MCM10: variants seen among roughly 807,000 people sequenced by gnomAD.
The protein encoded by MCM10 is protein MCM10 homolog.
MCM10 carries 91 observed loss-of-function variants against 109.9 expected under a neutral mutation model. The ratio of observed to expected loss-of-function variants is 0.83; its 90% CI spans 0.70 to 0.99. The LOEUF (loss-of-function observed/expected upper bound fraction) is 0.99. Among genes scored for constraint, MCM10 ranks in the 50% least tolerant of loss-of-function variants. The probability of loss-of-function intolerance (pLI) is 0.00; values close to 1 mark genes in which losing one functional copy is unlikely to be tolerated. For synonymous variants in MCM10, 380 were observed against 387.2 expected (o/e 0.98, Z 0.22); for missense variants, 1,077 against 1,061.2 (o/e 1.01, Z -0.21).
intron 2 of MCM10, among the ~76,000 whole-genome samples, chr10:13,164,657 C>G (rs2131551517): frequency 6.6e-6 from 1 of 152,328 alleles, no homozygotes; most frequent in East Asian, 1.9e-4. Flanking sequence ...CTAGCTCTGA[C>G]TTAAGTTTTT....
chr10:13,173,942 G>A (rs931738254), intron 5 of MCM10, among the ~76,000 whole-genome samples: 4 of 151,852 alleles, frequency 2.6e-5, no homozygotes, highest in African/African-American at 9.7e-5. Context: ...ATTTTATTAA[G>A]GAAAATACCC....
chr10:13,208,713 G>A (rs1368946679), intron 18 of MCM10, among the ~76,000 whole-genome samples: 2 of 152,114 alleles, frequency 1.3e-5, no homozygotes, highest in African/African-American at 4.8e-5. Context: ...GGAGGAAGGG[G>A]CCAAACATAG....
rs144091745 is a variant in MCM10, at chr10:13,205,342, T to G, written c.2498+978T>G. ...TAATGGCCTCCAGTTCCATCCATGTTGCTGTAAAAGACATGACTTCATTCT... is the reference window on the plus strand; with the variant it reads ...TAATGGCCTCCAGTTCCATCCATGTGGCTGTAAAAGACATGACTTCATTCT... On this transcript the variant is annotated intron_variant, in intron 18 of 19. Coordinates refer to ENST00000378714, the MANE Select transcript of MCM10 (RefSeq NM_018518.5). Among the ~76,000 whole-genome samples, 101 of 152,280 alleles carry G rather than the reference T, an allele frequency of 6.6e-4. 1 individual carries two copies. Among genetic ancestry groups the G allele is most frequent in the African/African-American group, 1.9e-3 (80 of 41,546 alleles).
At chr10:13,179,006 C>T (rs1311748366) in intron 6 of MCM10, among the ~76,000 whole-genome samples, 1 of 151,958 alleles carries the variant, frequency 6.6e-6, no homozygotes, top group Admixed American at 6.6e-5. Context: ...TCAGATTGTT[C>T]GTTGTTGGCA....
In MCM10 at chr10:13,172,823, G is replaced by T; in HGVS notation, c.592+58G>T. The T allele has an allele frequency of 6.4e-7, 1 of 1,558,302 alleles. No homozygotes were observed. The highest frequency in any genetic ancestry group is 1.7e-5 in the Admixed American group (1 of 58,558). On this transcript the variant is annotated intron_variant, in intron 5 of 19. Transcript: ENST00000378714. This position sits in a 1 kb window ranked among gnomAD's most constrained non-coding sequence, Gnocchi z 5.2. ...TATTGTATGTGTTTATGTGTGTGGG[G>T]GTGTTCATGTGTGTGTGGGTGTCTG...
At chr10:13,198,493 GCCACC>G (rs1834452339) in intron 15 of MCM10, among the ~76,000 whole-genome samples, 191 bp from the exon 16 acceptor site, 1 of 152,156 alleles carries the variant, frequency 6.6e-6, no homozygotes, top group Non-Finnish European at 1.5e-5. Context: ...GGTAAAATCT[GCCACC>G]ACCCCACATT....
intron 7 of MCM10, among the ~76,000 whole-genome samples, chr10:13,181,971 T>C (rs1834215739): frequency 6.6e-6 from 1 of 152,156 alleles, no homozygotes; most frequent in Non-Finnish European, 1.5e-5. Context: ...AAGTCAAGAT[T>C]ATTCACAGTA....
In MCM10 at chr10:13,198,801, G is replaced by A; in HGVS notation, c.2232G>A (p.Leu744=). The A allele has an allele frequency of 6.2e-7, 1 of 1,608,782 alleles. No individual in the cohort carries two copies. Among genetic ancestry groups the A allele is most frequent in the South Asian group, 1.1e-5 (1 of 90,984 alleles). Residue 744 remains leucine, a synonymous_variant, in exon 16 of 20, where the codon CTG becomes CTA. Transcript: ENST00000378714. ...LKAKSKHTGI[L]KEAEAEMQER... ...CAAAATCAAAACACACAGGCATCCT[G>A]AAAGAGGTAAGAGCCCAAAAGCTCA...
At chr10:13,194,942 A>G in intron 13 of MCM10, 99 bp from the exon 14 acceptor site, 1 of 1,043,716 alleles carries the variant, frequency 9.6e-7, no homozygotes, top group Non-Finnish European at 1.4e-6. Context: ...ACTAGCTCCC[A>G]ACTGGTGGCC....
In MCM10 at chr10:13,204,349, C is replaced by G; in HGVS notation, c.2483C>G (p.Pro828Arg). The G allele has an allele frequency of 1.9e-6, 3 of 1,614,142 alleles. No individual in the cohort carries two copies. Among genetic ancestry groups the G allele is most frequent in the African/African-American group, 1.3e-5 (1 of 75,038 alleles). ...GNRSISLDRL[P>R]NKHCSNCGLY... ...AGAAGCATCTCCTTGGACAGACTCC[C>G]GAACAAGCACTGCAGGTATGAGAAT... Residue 828 changes from proline to arginine, a missense_variant, in exon 18 of 20, where the codon CCG becomes CGG. Physicochemically the swap from Pro to Arg is moderately radical, Grantham distance 103 (BLOSUM62 -2). Transcript: ENST00000378714.
intron 14 of MCM10, among the ~76,000 whole-genome samples, chr10:13,196,857 T>G (rs1834428276): frequency 6.6e-6 from 1 of 152,056 alleles, no homozygotes; most frequent in Non-Finnish European, 1.5e-5. Context: ...GCAGATATTA[T>G]CTTATTTCAT....
chr10:13,195,909 T>C (rs950831015), intron 14 of MCM10, among the ~76,000 whole-genome samples: 10 of 152,140 alleles, frequency 6.6e-5, no homozygotes, highest in African/African-American at 2.4e-4. Context: ...GGCGGTTTTA[T>C]TTTTTATTTG....
At chr10:13,206,946 A>C (rs759636693) in intron 18 of MCM10, among the ~76,000 whole-genome samples, 2 of 152,136 alleles carry the variant, frequency 1.3e-5, no homozygotes, top group African/African-American at 2.4e-5. Flanking sequence ...CTGGGACTAC[A>C]GGTGTGCACC....
At chr10:13,176,703 C>G (rs757857329) in intron 6 of MCM10, among the ~76,000 whole-genome samples, 14 of 152,188 alleles carry the variant, frequency 9.2e-5, no homozygotes, top group Non-Finnish European at 2.9e-5. Flanking sequence ...TCGAGACTAG[C>G]TGGGGTAACA....
At chr10:13,196,101 G>T (rs530881418) in intron 14 of MCM10, among the ~76,000 whole-genome samples, 1 of 151,910 alleles carries the variant, frequency 6.6e-6, no homozygotes, top group East Asian at 1.9e-4. Flanking sequence ...AGAGATGGGG[G>T]CCTCCCTTTG....
intron 13 of MCM10, 96 bp downstream of exon 13, chr10:13,192,664 C>T (rs1173565485): frequency 1.9e-5 from 21 of 1,090,372 alleles, no homozygotes; most frequent in Middle Eastern, 2.1e-4. Flanking sequence ...CTTCAGGTTT[C>T]GGTTGGCTGC....
At chr10:13,193,893 A>T (rs1042682982) in intron 13 of MCM10, among the ~76,000 whole-genome samples, 7 of 152,204 alleles carry the variant, frequency 4.6e-5, no homozygotes, top group African/African-American at 1.7e-4. Flanking sequence ...GTTTGCAAAC[A>T]CAGCCTAGAG....
rs1183760826 is a variant in MCM10, at chr10:13,188,983, A to C, written c.1318A>C (p.Lys440Gln). The C allele has an allele frequency of 1.2e-6, 2 of 1,614,226 alleles. No homozygotes were observed. Among genetic ancestry groups the C allele is most frequent in the Admixed American group, 1.7e-5 (1 of 60,016 alleles). Reference sequence around the variant, plus strand: ...CACCTTCTCTGGAGGACGAATTCCAAAGAAGTTTGCCCGCAGAGGCACCAG... The same window carrying C: ...CACCTTCTCTGGAGGACGAATTCCACAGAAGTTTGCCCGCAGAGGCACCAG... ...QSTFSGGRIP[K>Q]KFARRGTSLK... Residue 440 changes from lysine (K) to glutamine (Q), a missense_variant, in exon 10 of 20, where the codon AAG becomes CAG. Lys to Gln is a moderately conservative substitution (Grantham distance 53). Coordinates refer to ENST00000378714, the MANE Select transcript of MCM10 (RefSeq NM_018518.5).
intron 14 of MCM10, 43 bp downstream of exon 14, chr10:13,195,312 G>A: frequency 6.8e-7 from 1 of 1,460,566 alleles, no homozygotes. Context: ...TTTGCATTCT[G>A]TAGAGCAGAG....
Sources: gnomAD v4.1 joint callset for allele counts (sites outside exome capture counted in the v4.1 genomes callset) on GRCh38, gnomAD v4.1.1 for gene constraint, Gnocchi (gnomAD v3.1) non-coding constraint, MANE v1.5 for transcripts, NCBI Gene and HGNC (gene_info 2026-07-23, HGNC 2026-07-21) for gene names.